FBXO25: variants seen among roughly 807,000 people sequenced by gnomAD.
FBXO25 encodes F-box only protein 25.
Under a neutral mutation model 51.9 loss-of-function variants are expected in FBXO25, and 45 were observed. The observed-to-expected ratio is 0.87, with a 90% CI of 0.68 to 1.11. The LOEUF is 1.11. Ranked by LOEUF, FBXO25 falls within the 50% of genes most tolerant of loss-of-function variation. The probability of loss-of-function intolerance (pLI) is 0.00; values close to 1 mark genes in which losing one functional copy is unlikely to be tolerated. For missense variants in FBXO25, 507 were observed against 428.5 expected, an observed-to-expected ratio of 1.18 and a Z score of -1.62; for synonymous variants, 199 against 151.0, an observed-to-expected ratio of 1.32 and a Z score of -2.33.
At chr8:409,141 C>G (rs1242048243) in intron 1 of FBXO25, among the ~76,000 whole-genome samples, 1 of 152,242 alleles carries the variant, frequency 6.6e-6, no homozygotes, top group African/African-American at 2.4e-5. Flanking sequence ...ACTTGAGATC[C>G]AGACCCCAGA....
At chr8:413,844 G>T (rs560334424) in intron 2 of FBXO25, among the ~76,000 whole-genome samples, 8 of 152,324 alleles carry the variant, frequency 5.3e-5, no homozygotes, top group African/African-American at 1.9e-4. Flanking sequence ...GGATGCTGGG[G>T]GTTGTGGCCC....
intron 5 of FBXO25, among the ~76,000 whole-genome samples, chr8:438,340 T>C (rs550304922): frequency 6.6e-6 from 1 of 152,344 alleles, no homozygotes; most frequent in Non-Finnish European, 1.5e-5. Flanking sequence ...ATTACAGGTG[T>C]GAGCCACCAT....
chr8:457,241 G>A (rs1406584816), intron 7 of FBXO25, among the ~76,000 whole-genome samples: 1 of 152,198 alleles, frequency 6.6e-6, no homozygotes, highest in East Asian at 1.9e-4. Context: ...CCCACTGTCA[G>A]GAAGACGTGT....
intron 5 of FBXO25, among the ~76,000 whole-genome samples, chr8:439,184 TATC>T (rs1304364665): frequency 1.3e-5 from 2 of 152,170 alleles, no homozygotes; most frequent in African/African-American, 4.8e-5. Context: ...ACACATTTGT[TATC>T]ATTCCCTTGG....
intron 2 of FBXO25, among the ~76,000 whole-genome samples, chr8:429,129 A>G (rs540687797): frequency 6.6e-6 from 1 of 152,328 alleles, no homozygotes; most frequent in African/African-American, 2.4e-5. Context: ...TGTTTCCTAT[A>G]GTAGCTATAC....
chr8:433,676 C>G (rs1418585051), intron 4 of FBXO25, among the ~76,000 whole-genome samples: 1 of 152,036 alleles, frequency 6.6e-6, no homozygotes, highest in African/African-American at 2.4e-5. Context: ...CCTAGAAACT[C>G]TGCATTTGCT....
chr8:408,262 T>G (rs1291148904), intron 1 of FBXO25, among the ~76,000 whole-genome samples: 1 of 152,208 alleles, frequency 6.6e-6, no homozygotes, highest in Non-Finnish European at 1.5e-5. Context: ...ATTCCTTGTT[T>G]TAGTGCCTTT....
intron 2 of FBXO25, among the ~76,000 whole-genome samples, chr8:415,832 G>T (rs1323880587): frequency 1.3e-5 from 2 of 152,196 alleles, no homozygotes; most frequent in African/African-American, 4.8e-5. Context: ...CTGAAGAAGA[G>T]TGTCTAAATA....
At chr8:408,805 A>G (rs550679306) in intron 1 of FBXO25, among the ~76,000 whole-genome samples, 121 of 152,338 alleles carry the variant, frequency 7.9e-4, no homozygotes, top group African/African-American at 2.8e-3. Context: ...GATTTTAAAT[A>G]GTTAATCATT....
chr8:476,226 T>G lies in FBXO25; in HGVS notation c.*7422T>G, dbSNP rs1397744893. 1 of 152,210 alleles carries G rather than the reference T, an allele frequency of 6.6e-6. No individual in the cohort carries two copies. The highest frequency in any genetic ancestry group is 1.5e-5 in the Non-Finnish European group (1 of 68,026). The allele number at this position is 152,210 out of a possible 1,614,324, so 9.4% of individuals were successfully genotyped here. On this transcript the variant is annotated 3_prime_UTR_variant, in exon 10 of 10. Coordinates refer to ENST00000350302, the MANE Select transcript of FBXO25 (RefSeq NM_183420.2). ...ACCAGCTGTAAATCTTACTTGGCCA[T>G]GATGTGTAATCCTTTCAATGTCCCA...
intron 8 of FBXO25, among the ~76,000 whole-genome samples, chr8:461,705 T>C (rs571794448): frequency 6.6e-6 from 1 of 152,268 alleles, no homozygotes; most frequent in South Asian, 2.1e-4. Context: ...CTAATCGACT[T>C]TCTGTCTCTG....
chr8:419,458 A>G (rs1444788681), intron 2 of FBXO25, among the ~76,000 whole-genome samples: 1 of 152,230 alleles, frequency 6.6e-6, no homozygotes, highest in East Asian at 1.9e-4. Context: ...AGATAGATAC[A>G]CAGGTCAGTG....
At chr8:410,792 TTTAAA>T (rs1563057865) in intron 1 of FBXO25, among the ~76,000 whole-genome samples, 1 of 152,324 alleles carries the variant, frequency 6.6e-6, no homozygotes, top group East Asian at 1.9e-4. Flanking sequence ...AAAGCAAGAA[TTTAAA>T]TTAATCATTA....
At chr8:431,700 A>G (rs575954866) in intron 3 of FBXO25, among the ~76,000 whole-genome samples, 1 of 152,338 alleles carries the variant, frequency 6.6e-6, no homozygotes, top group South Asian at 2.1e-4. Flanking sequence ...AATTATGGTC[A>G]TGAATTCAGC....
chr8:433,965 C>T (rs924917162), intron 4 of FBXO25, among the ~76,000 whole-genome samples: 3 of 152,142 alleles, frequency 2.0e-5, no homozygotes, highest in East Asian at 1.9e-4. Flanking sequence ...ATTTAGTGCT[C>T]GTGAAAGACC....
At chr8:412,085 C>G (rs1261911438) in intron 1 of FBXO25, among the ~76,000 whole-genome samples, 3 of 152,214 alleles carry the variant, frequency 2.0e-5, no homozygotes, top group African/African-American at 7.2e-5. Flanking sequence ...AAGTCTCACT[C>G]TTATCAAATT....
rs189075957 is a variant in FBXO25 at position 437,855 on chromosome 8, A to T, written c.381+2148A>T. ...AACACTTACTACAACAACTGAGAGG[A>T]TTGTCTTGTAGTTCTACTAAATAAT... On this transcript the variant is annotated intron_variant, in intron 5 of 9. Coordinates refer to ENST00000350302, the MANE Select transcript of FBXO25 (RefSeq NM_183420.2). 2.6e-5 allele frequency among the ~76,000 whole-genome samples: 4 copies of T among 151,476 alleles called. No individual in the cohort carries two copies. In the East Asian group the frequency reaches 7.8e-4, roughly 30 times the overall value.
Position 451,318 on chromosome 8 carries a change from C to T in FBXO25, c.525C>T (p.Asp175=). 1 of 1,613,100 alleles carries T rather than the reference C, an allele frequency of 6.2e-7. No homozygotes were observed. Among genetic ancestry groups the T allele is most frequent in the Non-Finnish European group, 8.5e-7 (1 of 1,179,724 alleles). ...GCTTAATCAAAGATCTTCTGCAAGA[C>T]CTAAGCTCTACCCTCTGCATTCTTA... ...NPRLIKDLLQ[D]LSSTLCILIR... Residue 175 remains aspartate, a synonymous_variant, in exon 7 of 10, where the codon GAC becomes GAT. Transcript: ENST00000350302.
Position 458,416 on chromosome 8 carries a change from G to A in FBXO25, c.708G>A (p.Leu236=). 2.5e-6 allele frequency: 4 copies of A among 1,614,178 alleles called. No individual in the cohort carries two copies. Among genetic ancestry groups the A allele is most frequent in the Non-Finnish European group, 3.4e-6 (4 of 1,180,020 alleles). The stretch of plus-strand genomic sequence containing the variant: ...TCAGTGACCTTCCTCTGCACATGCT[G>A]AACAACATCCTATACCGGTTCTCAG... ...LTLSDLPLHM[L]NNILYRFSDG... The change falls in exon 8 of 10, where the codon CTG becomes CTA. Residue 236 remains leucine (L), a synonymous_variant. Coordinates refer to ENST00000350302, the MANE Select transcript of FBXO25 (RefSeq NM_183420.2).
Sources: allele counts gnomAD v4.1 joint callset (sites outside exome capture counted in the v4.1 genomes callset), GRCh38; gene constraint gnomAD v4.1.1; transcripts MANE v1.5; gene names NCBI Gene and HGNC (gene_info 2026-07-23, HGNC 2026-07-21).